Variants in PCBP3 observed in about 807,000 individuals in gnomAD.
The protein encoded by PCBP3 is poly(rC)-binding protein 3.
In PCBP3, 25 loss-of-function variants were observed where a neutral mutation model predicts 52.7. The ratio of observed to expected loss-of-function variants is 0.47; its 90% confidence interval spans 0.35 to 0.66. The LOEUF is 0.66. Ranked by LOEUF, PCBP3 falls within the 30% of genes least tolerant of loss-of-function variation. The pLI is 0.01. For missense variants in PCBP3, 391 were observed against 490.3 expected (o/e 0.80, Z 1.91); for synonymous variants, 162 against 183.0 (o/e 0.89, Z 0.93).
chr21:45,813,732 C>A (rs1011522251), intron 4 of PCBP3, among the ~76,000 whole-genome samples: 10 of 152,226 alleles, frequency 6.6e-5, no homozygotes, highest in African/African-American at 2.2e-4. Flanking sequence ...GCGTGAGCCA[C>A]CACACCCAGC....
chr21:45,691,490 A>G (rs1302023179), intron 2 of PCBP3, among the ~76,000 whole-genome samples: 2 of 148,354 alleles, frequency 1.3e-5, no homozygotes, highest in African/African-American at 2.5e-5. Flanking sequence ...ATACATCACA[A>G]TTCACTAATC....
chr21:45,844,319 C>T (rs970904069), intron 4 of PCBP3, among the ~76,000 whole-genome samples: 6 of 152,058 alleles, frequency 3.9e-5, no homozygotes, highest in African/African-American at 1.4e-4. Context: ...GTGGGAGGTG[C>T]CCCAGCACCT....
intron 4 of PCBP3, among the ~76,000 whole-genome samples, chr21:45,835,674 G>C (rs796431273): frequency 2.6e-5 from 4 of 152,342 alleles, no homozygotes; most frequent in African/African-American, 9.6e-5. Flanking sequence ...CCACATCCCT[G>C]TGAGCTGCCC....
intron 4 of PCBP3, among the ~76,000 whole-genome samples, chr21:45,811,032 TG>T (rs1251790134): frequency 6.6e-6 from 1 of 152,240 alleles, no homozygotes; most frequent in Non-Finnish European, 1.5e-5. Flanking sequence ...TTGTGATTTT[TG>T]TTTTCTTTTT....
intron 1 of PCBP3, among the ~76,000 whole-genome samples, chr21:45,646,083 TTCTCTCTC>T (rs1164554233): frequency 2.0e-5 from 2 of 99,574 alleles, no homozygotes; most frequent in Non-Finnish European, 4.0e-5. Flanking sequence ...CTCTCTCTCT[TTCTCTCTC>T]TCTCTCTCTC....
intron 4 of PCBP3, among the ~76,000 whole-genome samples, chr21:45,792,585 C>T (rs1284124332): frequency 6.6e-6 from 1 of 152,226 alleles, no homozygotes; most frequent in Non-Finnish European, 1.5e-5. Flanking sequence ...AATTTTGAAA[C>T]AGCAGCAACA....
At chr21:45,667,687 T>A (rs1384888021) in intron 1 of PCBP3, among the ~76,000 whole-genome samples, 1 of 152,190 alleles carries the variant, frequency 6.6e-6, no homozygotes, top group Non-Finnish European at 1.5e-5. Flanking sequence ...TATTGATTGC[T>A]TTTTCTTTCC....
In PCBP3 at chr21:45,685,049, T is replaced by G. The variant is rs535198787; in HGVS notation, c.-200+16097T>G. On this transcript the variant is annotated intron_variant, in intron 2 of 17. Transcript: ENST00000681687. ...CATATCAGCTTGTTGGCTTGAACAT[T>G]TTGAGTATTACAAACCATCATCCTA... Among the ~76,000 whole-genome samples, 11 of 152,312 alleles carry G rather than the reference T, an allele frequency of 7.2e-5. No individual in the cohort carries two copies. In the East Asian group the frequency reaches 2.1e-3, roughly 29 times the overall value.
At chr21:45,897,747 G>A (rs1170110503) in intron 6 of PCBP3, among the ~76,000 whole-genome samples, 1 of 152,158 alleles carries the variant, frequency 6.6e-6, no homozygotes, top group East Asian at 1.9e-4. Flanking sequence ...CAGGATGCAT[G>A]GTGCTCCTGG....
rs956815411 is a variant in PCBP3, at chr21:45,737,686, C to A, written c.-162+2257C>A. 1.3e-5 allele frequency among the ~76,000 whole-genome samples: 2 copies of A among 152,196 alleles called. No homozygotes were observed. The highest frequency in any genetic ancestry group is 4.8e-5 in the African/African-American group (2 of 41,458). ...CTGCAGCAGGCAGATTCTGGAAATT[C>A]CCTGAGGCCTTCGTTCAGTACAGAC... On this transcript the variant is annotated intron_variant, in intron 3 of 17. Transcript: ENST00000681687. The surrounding 1 kb of genome is among the most constrained non-coding windows in gnomAD (Gnocchi z 4.9).
intron 13 of PCBP3, among the ~76,000 whole-genome samples, chr21:45,929,029 C>T (rs1448467490): frequency 6.6e-6 from 1 of 152,210 alleles, no homozygotes; most frequent in Non-Finnish European, 1.5e-5. Flanking sequence ...GCTGAGCAGC[C>T]CTGGGCTCTC....
In PCBP3 at chr21:45,656,730, G is replaced by GTC. The variant is rs1383943170; in HGVS notation, c.-278-12143_-278-12142insCT. 4.6e-5 allele frequency among the ~76,000 whole-genome samples: 7 copies of GTC among 152,304 alleles called. 1 individual carries two copies. In the East Asian group the frequency reaches 1.3e-3, roughly 29 times the overall value. On this transcript the variant is annotated intron_variant, in intron 1 of 17. Coordinates refer to ENST00000681687, the MANE Select transcript of PCBP3 (RefSeq NM_001384156.1). This position sits in a 1 kb window ranked among gnomAD's most constrained non-coding sequence, Gnocchi z 4.3. ...TGGATTGTCTTTTTATCGCTGAGTT[G>GTC]TAAGTGTTCTTTATGTATTCTGTAT...
At chr21:45,757,397 T>G (rs2088162602) in intron 4 of PCBP3, among the ~76,000 whole-genome samples, 1 of 152,216 alleles carries the variant, frequency 6.6e-6, no homozygotes, top group African/African-American at 2.4e-5. Flanking sequence ...GAGTTGTAGG[T>G]TTTTTAAATA....
At chr21:45,783,744 T>G (rs1458541734) in intron 4 of PCBP3, among the ~76,000 whole-genome samples, 1 of 152,144 alleles carries the variant, frequency 6.6e-6, no homozygotes, top group Non-Finnish European at 1.5e-5. Flanking sequence ...AGTAGGGATT[T>G]AAGAACATAG....
At chr21:45,653,135 T>C (rs920315951) in intron 1 of PCBP3, among the ~76,000 whole-genome samples, 1 of 152,254 alleles carries the variant, frequency 6.6e-6, no homozygotes, top group Non-Finnish European at 1.5e-5. Flanking sequence ...TTTAATCCTT[T>C]GAAATATGCT....
In PCBP3 at chr21:45,887,381, G is replaced by A. The variant is rs982095921; in HGVS notation, c.11-8827G>A. Among the ~76,000 whole-genome samples the A allele has an allele frequency of 7.2e-5, 11 of 152,230 alleles. No homozygotes were observed. In the East Asian group the frequency reaches 7.7e-4, roughly 11 times the overall value. On this transcript the variant is annotated intron_variant, in intron 5 of 17. Transcript: ENST00000681687. Reference sequence around the variant, plus strand: ...CAGATGCCGGAGCTGCTGGGGCTGCGCCAGCTTTGCCCTGCTCAGCTGCGT... The same window carrying A: ...CAGATGCCGGAGCTGCTGGGGCTGCACCAGCTTTGCCCTGCTCAGCTGCGT...
At position 45,880,435 on chromosome 21, in the gene PCBP3, G is replaced by A. The variant is rs1195257198; in HGVS notation, c.11-15773G>A. ...CTCAGTGACTGTCTGAATGAAAAACGCAGGAGTGGGTGGTGTGGGAGAAAA... is the reference window on the plus strand; with the variant it reads ...CTCAGTGACTGTCTGAATGAAAAACACAGGAGTGGGTGGTGTGGGAGAAAA... On this transcript the variant is annotated intron_variant, in intron 5 of 17. Transcript: ENST00000681687. The surrounding 1 kb of genome is among the most constrained non-coding windows in gnomAD (Gnocchi z 5.4). Among the ~76,000 whole-genome samples, 1 of 152,242 alleles carries A rather than the reference G, an allele frequency of 6.6e-6. No individual in the cohort carries two copies. Among genetic ancestry groups the A allele is most frequent in the Non-Finnish European group, 1.5e-5 (1 of 68,046 alleles).
At chr21:45,934,108 G>T (rs2076622059) in intron 15 of PCBP3, among the ~76,000 whole-genome samples, 1 of 152,176 alleles carries the variant, frequency 6.6e-6, no homozygotes. Flanking sequence ...GGAAGCATGG[G>T]GGTGGGAGGA....
At chr21:45,663,475 C>G (rs1483320335) in intron 1 of PCBP3, among the ~76,000 whole-genome samples, 1 of 152,082 alleles carries the variant, frequency 6.6e-6, no homozygotes, top group South Asian at 2.1e-4. Flanking sequence ...TGGGGCTGGT[C>G]CCTACATCTT....
Sources: gnomAD v4.1 joint callset for allele counts (sites outside exome capture counted in the v4.1 genomes callset) on GRCh38, gnomAD v4.1.1 for gene constraint, Gnocchi (gnomAD v3.1) non-coding constraint, MANE v1.5 for transcripts, NCBI Gene and HGNC (gene_info 2026-07-23, HGNC 2026-07-21) for gene names.